The following PSD3 variants were observed in gnomAD, a reference collection of about 807,000 sequenced individuals.
PSD3 encodes the protein PH and SEC7 domain-containing protein 3.
In PSD3, 49 loss-of-function variants were observed where a neutral mutation model predicts 105.5. That is an observed-to-expected ratio of 0.46 (90% CI 0.37 to 0.59). The LOEUF is 0.59. Ranked by LOEUF, PSD3 falls within the 20% of genes least tolerant of loss-of-function variation. The pLI is 0.00. For missense variants in PSD3, 1,561 were observed against 1,263.8 expected (o/e 1.24, Z -3.57); for synonymous variants, 557 against 457.8 (o/e 1.22, Z -2.77).
At chr8:18,766,394 A>G (rs1807004864) in intron 8 of PSD3, among the ~76,000 whole-genome samples, 1 of 152,234 alleles carries the variant, frequency 6.6e-6, no homozygotes, top group Non-Finnish European at 1.5e-5. Context: ...TTACTGCACT[A>G]AAAACATGGT....
chr8:18,757,478 A>G (rs1424274837), intron 9 of PSD3, among the ~76,000 whole-genome samples: 1 of 152,032 alleles, frequency 6.6e-6, no homozygotes. Context: ...AAACAAACAA[A>G]CAAACATTAA....
intron 9 of PSD3, among the ~76,000 whole-genome samples, chr8:18,755,755 AT>A (rs59083090): frequency 0.17 from 24,055 of 143,280 alleles, 2,555 homozygotes; most frequent in African/African-American, 0.31. Flanking sequence ...CTTTTTGGTA[AT>A]TTTTTTTTTT....
chr8:18,541,885 G>T (rs3780101), intron 15 of PSD3, among the ~76,000 whole-genome samples: 1 of 151,544 alleles, frequency 6.6e-6, no homozygotes, highest in Admixed American at 6.6e-5. Flanking sequence ...CAAGTAGCTG[G>T]GATTACAGGT....
In PSD3 at chr8:18,575,144, A is replaced by G; in HGVS notation, c.2623T>C (p.Leu875=). The stretch of plus-strand genomic sequence containing the variant: ...AAAACATACTGAGTTTGAAAAAGCA[A>G]GACCCTCCAGTCGGCAGTTTTAAGT... ...FKLKTADWRV[L]LFQTQSPEEM... Residue 875 remains leucine, a synonymous_variant, in exon 13 of 16, where the codon TTG becomes CTG. Coordinates refer to ENST00000327040, the MANE Select transcript of PSD3 (RefSeq NM_015310.4). 6.2e-7 allele frequency: 1 copy of G among 1,612,874 alleles called. No homozygotes were observed. Among genetic ancestry groups the G allele is most frequent in the East Asian group, 2.2e-5 (1 of 44,836 alleles).
At chr8:19,052,746 G>A (rs1828577233) in intron 1 of PSD3, among the ~76,000 whole-genome samples, 1 of 152,070 alleles carries the variant, frequency 6.6e-6, no homozygotes, top group Admixed American at 6.5e-5. Context: ...TGCCAATCTT[G>A]GTGACGGCTG....
At chr8:18,662,284 G>A (rs1809403893) in intron 9 of PSD3, among the ~76,000 whole-genome samples, 1 of 152,146 alleles carries the variant, frequency 6.6e-6, no homozygotes, top group Non-Finnish European at 1.5e-5. Context: ...GGCTAGGGAG[G>A]CATTATGCTA....
At chr8:18,682,373 G>T (rs1800437319) in intron 9 of PSD3, among the ~76,000 whole-genome samples, 1 of 152,162 alleles carries the variant, frequency 6.6e-6, no homozygotes, top group South Asian at 2.1e-4. Context: ...TTACATACAT[G>T]CTCACATACA....
At chr8:19,030,494 C>A (rs992788464) in intron 1 of PSD3, among the ~76,000 whole-genome samples, 2 of 152,026 alleles carry the variant, frequency 1.3e-5, no homozygotes, top group African/African-American at 4.8e-5. Context: ...ATAGTGAGTT[C>A]TCATGAGATA....
intron 12 of PSD3, among the ~76,000 whole-genome samples, chr8:18,577,775 C>A (rs1027728207): frequency 6.6e-6 from 1 of 152,012 alleles, no homozygotes; most frequent in Non-Finnish European, 1.5e-5. Context: ...TATGCATTTT[C>A]TGTTTCAAGA....
At chr8:18,702,764 C>T (rs1373019889) in intron 9 of PSD3, among the ~76,000 whole-genome samples, 1 of 152,012 alleles carries the variant, frequency 6.6e-6, no homozygotes, top group Non-Finnish European at 1.5e-5. Context: ...CGGTGCCCGC[C>T]ATCACGCCTG....
At chr8:18,653,359 G>GA (rs1211937971) in intron 10 of PSD3, among the ~76,000 whole-genome samples, 1 of 137,716 alleles carries the variant, frequency 7.3e-6, no homozygotes, top group Non-Finnish European at 1.6e-5. Context: ...GAGAGAAAAA[G>GA]AAAAAAAGAC....
intron 10 of PSD3, among the ~76,000 whole-genome samples, chr8:18,636,420 G>C (rs547336581): frequency 6.6e-6 from 1 of 152,258 alleles, no homozygotes; most frequent in East Asian, 1.9e-4. Context: ...AAAATAACGA[G>C]TTTATGAAGT....
chr8:18,760,269 A>G (rs1806409544), intron 9 of PSD3, among the ~76,000 whole-genome samples: 1 of 152,204 alleles, frequency 6.6e-6, no homozygotes, highest in Non-Finnish European at 1.5e-5. Context: ...TGATGAGAAC[A>G]TTCAAAATCT....
intron 1 of PSD3, among the ~76,000 whole-genome samples, chr8:19,077,130 A>C (rs1423892944): frequency 6.6e-6 from 1 of 152,200 alleles, no homozygotes; most frequent in African/African-American, 2.4e-5. Flanking sequence ...GACTTCTCTG[A>C]GATATCTCTG....
In PSD3 at chr8:18,686,381, G is replaced by A. The variant is rs10503625; in HGVS notation, c.2173-30696C>T. On this transcript the variant is annotated intron_variant, in intron 9 of 15. Transcript: ENST00000327040. ...TGAAGTATACCAGGAACCACGCTGT[G>A]TCCCTCACACTATAGCTGTCTGCAT... Among the ~76,000 whole-genome samples the A allele has an allele frequency of 2.1e-3, 317 of 152,312 alleles. 11 individuals are homozygous for A. In the East Asian group the frequency reaches 0.05, roughly 24 times the overall value.
chr8:18,600,460 T>G, intron 11 of PSD3, 26 bp from the exon 12 acceptor site: 1 of 1,533,284 alleles, frequency 6.5e-7, no homozygotes, highest in Non-Finnish European at 8.9e-7. Flanking sequence ...AAATGTAAAA[T>G]TTTATTTGAC....
At chr8:18,928,985 GT>G (rs1821564687) in intron 2 of PSD3, among the ~76,000 whole-genome samples, 1 of 152,042 alleles carries the variant, frequency 6.6e-6, no homozygotes, top group Non-Finnish European at 1.5e-5. Context: ...CAAGTCTTTT[GT>G]TTTTAAGATG....
At chr8:18,546,725 T>C (rs1800472567) in intron 15 of PSD3, among the ~76,000 whole-genome samples, 1 of 152,178 alleles carries the variant, frequency 6.6e-6, no homozygotes, top group Non-Finnish European at 1.5e-5. Flanking sequence ...ACATTAGGTC[T>C]CCAGAACTTA....
intron 4 of PSD3, among the ~76,000 whole-genome samples, chr8:18,850,741 G>A (rs1158223513): frequency 6.6e-6 from 1 of 152,072 alleles, no homozygotes; most frequent in Non-Finnish European, 1.5e-5. Flanking sequence ...TCTGCAGATG[G>A]GCAAACTGAG....
Sources: gnomAD v4.1 joint callset for allele counts (sites outside exome capture counted in the v4.1 genomes callset) on GRCh38, gnomAD v4.1.1 for gene constraint, MANE v1.5 for transcripts, NCBI Gene and HGNC (gene_info 2026-07-23, HGNC 2026-07-21) for gene names.